Variants in DUXB observed in about 807,000 individuals in gnomAD.
DUXB encodes double homeobox protein B.
In DUXB, 22 loss-of-function variants were observed where a neutral mutation model predicts 8.9. That is an observed-to-expected ratio of 2.46 (90% CI 1.76 to 3.52). DUXB has a LOEUF of 3.52. Ranked by LOEUF, DUXB falls within the 30% of genes most tolerant of loss-of-function variation. The pLI is 0.00. For synonymous variants in DUXB, 84 were observed against 37.6 expected, an observed-to-expected ratio of 2.23 and a Z score of -4.52; for missense variants, 237 against 108.7, an observed-to-expected ratio of 2.18 and a Z score of -5.25.
At chr16:75,700,321 G>A (rs113226450) in intron 1 of DUXB, 152 bp from the exon 2 acceptor site, 183 of 499,150 alleles carry the variant, frequency 3.7e-4, no homozygotes, top group African/African-American at 3.1e-3. Context: ...TGCGACCTCC[G>A]CTCCTGGGTT....
At position 75,700,015 on chromosome 16, in the gene DUXB, C is replaced by T; in HGVS notation, c.180G>A (p.Gln60=). The T allele has an allele frequency of 1.4e-6, 1 of 697,160 alleles. No individual in the cohort carries two copies. Among genetic ancestry groups the T allele is most frequent in the Middle Eastern group, 2.3e-4 (1 of 4,338 alleles). 43.2% of individuals were successfully genotyped at this position (697,160 alleles called of 1,614,324 possible). A position where few individuals can be genotyped will look rare whatever the true frequency, so the allele number is the denominator to read the frequency against. ...KEIGVPESNI[Q]VWFKNYRVKQ... ...AATGAAGTAGAAATCTAATGCCTAC[C>T]TGAATATTAGATTCTGGAACCCCAA... The change falls in exon 2 of 5, where the codon CAG becomes CAA. Residue 60 remains glutamine (Q), a splice_region_variant and synonymous_variant. Transcript: ENST00000633875.
At chr16:75,698,233 A>T (rs1959194906) in intron 2 of DUXB, among the ~76,000 whole-genome samples, 1 of 152,184 alleles carries the variant, frequency 6.6e-6, no homozygotes, top group East Asian at 1.9e-4. Context: ...TACCTCTCTC[A>T]AAGCCAATTA....
chr16:75,694,238 C>A lies in DUXB; in HGVS notation c.729G>T (p.Val243=). The part of the protein sequence containing the change: ...NVMIMQPTQA[V]QEGEKSDQPL... ...GCTGATCAGACTTCTCTCCTTCCTG[C>A]ACAGCCTGTGTGGGCTGCATGATCA... The change falls in exon 5 of 5, where the codon GTG becomes GTT. Residue 243 remains valine (V), a synonymous_variant. Transcript: ENST00000633875. 1.8e-6 allele frequency: 1 copy of A among 559,852 alleles called. No homozygotes were observed. Among genetic ancestry groups the A allele is most frequent in the Non-Finnish European group, 3.1e-6 (1 of 319,244 alleles). The allele number at this position is 559,852 out of a possible 1,614,324, so 34.7% of individuals were successfully genotyped here. A position where few individuals can be genotyped will look rare whatever the true frequency, so the allele number is the denominator to read the frequency against.
Position 75,693,980 on chromosome 16 carries a change from C to G in DUXB, c.987G>C (p.Glu329Asp). 2 of 400,804 alleles carry G rather than the reference C, an allele frequency of 5.0e-6. No homozygotes were observed. The highest frequency in any genetic ancestry group is 8.8e-6 in the Non-Finnish European group (2 of 227,858). 24.8% of individuals were successfully genotyped at this position (400,804 alleles called of 1,614,324 possible). The change falls in exon 5 of 5, where the codon GAG becomes GAC. Residue 329 changes from glutamate to aspartate, a missense_variant. Physicochemically the swap from Glu to Asp is conservative, Grantham distance 45. Transcript: ENST00000633875. ...ATTCAGCAAGCAGAGCCTGGCAGAT[C>G]TCGTCCCACCTTTGCAAAATGTTCG... ...DISNILQRWD[E>D]ICQALLAEWD...
Position 75,695,998 on chromosome 16 carries a change from A to C in DUXB, c.404T>G (p.Leu135Arg), listed in dbSNP as rs1420279325. The C allele has an allele frequency of 1.4e-6, 1 of 703,000 alleles. No individual in the cohort carries two copies. The highest frequency in any genetic ancestry group is 1.5e-5 in the South Asian group (1 of 67,594). 43.5% of individuals were successfully genotyped at this position (703,000 alleles called of 1,614,324 possible). ...PFPDIATRKK[L>R]AEQTGLQESR... is the part of the protein sequence containing the mutation. ...TTCCTGCAGGCCTGTTTGTTCAGCC[A>C]GTTTTTTTCTGGTAGCAATATCAGG... Residue 135 changes from leucine to arginine, a missense_variant, in exon 4 of 5, where the codon CTG becomes CGG. Coordinates refer to ENST00000633875, the MANE Select transcript of DUXB (RefSeq NM_001351307.2).
At chr16:75,697,521 A>C (rs1453667315) in intron 2 of DUXB, among the ~76,000 whole-genome samples, 1 of 152,214 alleles carries the variant, frequency 6.6e-6, no homozygotes, top group African/African-American at 2.4e-5. Flanking sequence ...GTCCCTAACA[A>C]AACCAATTGA....
chr16:75,700,324 C>T (rs1959203210), intron 1 of DUXB, 155 bp from the exon 2 acceptor site: 1 of 502,646 alleles, frequency 2.0e-6, no homozygotes, highest in Non-Finnish European at 3.5e-6. Context: ...GACCTCCGCT[C>T]CTGGGTTCAA....
At chr16:75,700,838 G>C (rs1387827738) in intron 1 of DUXB, among the ~76,000 whole-genome samples, 1 of 151,900 alleles carries the variant, frequency 6.6e-6, no homozygotes, top group Non-Finnish European at 1.5e-5. Context: ...TTTACTTTAG[G>C]CATAGAGCTA....
At chr16:75,699,968 C>A in intron 2 of DUXB, 47 bp downstream of exon 2, 1 of 647,210 alleles carries the variant, frequency 1.5e-6, no homozygotes, top group Non-Finnish European at 2.8e-6. Flanking sequence ...TAGTCTTTCT[C>A]TTTACCATGG....
At chr16:75,697,458 A>T (rs57943265) in intron 2 of DUXB, among the ~76,000 whole-genome samples, 3,738 of 152,310 alleles carry the variant, frequency 0.025, 157 homozygotes, top group African/African-American at 0.082. Context: ...TCCCGGGGTT[A>T]ACAATAGATG....
At chr16:75,696,340 T>G (rs960630840) in intron 3 of DUXB, among the ~76,000 whole-genome samples, 1 of 152,144 alleles carries the variant, frequency 6.6e-6, no homozygotes, top group African/African-American at 2.4e-5. Context: ...TCACTTGAGG[T>G]TGGGAGTTCG....
chr16:75,694,621 G>A, intron 4 of DUXB, 96 bp from the exon 5 acceptor site: 1 of 669,008 alleles, frequency 1.5e-6, no homozygotes. Flanking sequence ...TTAACCTAAG[G>A]ACAAATCACA....
intron 4 of DUXB, among the ~76,000 whole-genome samples, 187 bp downstream of exon 4, chr16:75,695,774 G>A (rs2082600889): frequency 6.6e-6 from 1 of 152,214 alleles, no homozygotes. Flanking sequence ...CCAAATCCGT[G>A]CACAGCAATT....
Position 75,698,280 on chromosome 16 carries a change from C to T in DUXB, c.181-1337G>A, listed in dbSNP as rs577682006. On this transcript the variant is annotated intron_variant, in intron 2 of 4. Coordinates refer to ENST00000633875, the MANE Select transcript of DUXB (RefSeq NM_001351307.2). Reference sequence around the variant, plus strand: ...ATAGAATGTACTTTTGTTACTGGGACTTGAGTAATCCTTGCCTCTCACATC... The same window carrying T: ...ATAGAATGTACTTTTGTTACTGGGATTTGAGTAATCCTTGCCTCTCACATC... Among the ~76,000 whole-genome samples the T allele has an allele frequency of 2.0e-5, 3 of 152,262 alleles. No homozygotes were observed. The East Asian group carries it at 5.8e-4, about 29-fold the overall frequency.
At position 75,696,819 on chromosome 16, in the gene DUXB, A is replaced by G. The variant is rs1177122130; in HGVS notation, c.286+19T>C. 1.4e-6 allele frequency: 1 copy of G among 700,568 alleles called. No individual in the cohort carries two copies. Among genetic ancestry groups the G allele is most frequent in the Non-Finnish European group, 2.6e-6 (1 of 384,396 alleles). 43.4% of individuals were successfully genotyped at this position (700,568 alleles called of 1,614,324 possible). ...TTGGGCACAACGTACTCTCAATGGG[A>G]CCCATTGAGCATTCTTACCTTGAGT... On this transcript the variant is annotated intron_variant, in intron 3 of 4. Transcript: ENST00000633875.
At chr16:75,699,943 C>A (rs767891447) in intron 2 of DUXB, 72 bp downstream of exon 2, 76 of 580,722 alleles carry the variant, frequency 1.3e-4, no homozygotes, top group Middle Eastern at 2.8e-4. Flanking sequence ...AGAGAATTGG[C>A]AAAAGCGCTG....
At position 75,694,085 on chromosome 16, in the gene DUXB, T is replaced by A. The variant is rs2082583317; in HGVS notation, c.882A>T (p.Val294=). The A allele has an allele frequency of 2.4e-6, 1 of 417,330 alleles. No individual in the cohort carries two copies. Among genetic ancestry groups the A allele is most frequent in the Non-Finnish European group, 4.2e-6 (1 of 238,792 alleles). 25.9% of individuals were successfully genotyped at this position (417,330 alleles called of 1,614,324 possible). The part of the protein sequence containing the change: ...QNHKEHSGSG[V]PQVKSHSQPE... The stretch of plus-strand genomic sequence containing the variant: ...GCTGAGAATGGCTCTTGACCTGTGG[T>A]ACTCCCGAGCCAGAGTGTTCTTTGT... The change falls in exon 5 of 5, where the codon GTA becomes GTT. Residue 294 remains valine (V), a synonymous_variant. Transcript: ENST00000633875.
chr16:75,696,084 C>T lies in DUXB; in HGVS notation c.318G>A (p.Gln106=), dbSNP rs2082604455. 2.8e-6 allele frequency: 2 copies of T among 703,000 alleles called. No individual in the cohort carries two copies. The highest frequency in any genetic ancestry group is 5.2e-6 in the Non-Finnish European group (2 of 385,020). The allele number at this position is 703,000 out of a possible 1,614,324, so 43.5% of individuals were successfully genotyped here. ...EYLPKEARQK[Q]TFITWTQKNR... ...TTTTTTGAGTCCATGTGATGAATGT[C>T]TGTTTTTGTCGGGCTTCTTTAGGTA... The change falls in exon 4 of 5, where the codon CAG becomes CAA. Residue 106 remains glutamine (Q), a synonymous_variant. Coordinates refer to ENST00000633875, the MANE Select transcript of DUXB (RefSeq NM_001351307.2).
chr16:75,695,632 T>A (rs1234218757), intron 4 of DUXB, among the ~76,000 whole-genome samples: 1 of 152,164 alleles, frequency 6.6e-6, no homozygotes, highest in African/African-American at 2.4e-5. Flanking sequence ...AGGCCAGGAA[T>A]GCTGACCAAT....
Sources: allele counts gnomAD v4.1 joint callset (sites outside exome capture counted in the v4.1 genomes callset), GRCh38; gene constraint gnomAD v4.1.1; transcripts MANE v1.5; gene names NCBI Gene and HGNC (gene_info 2026-07-23, HGNC 2026-07-21).